Variants in DOCK11 observed in about 807,000 individuals in gnomAD.
DOCK11 encodes the protein dedicator of cytokinesis protein 11.
In DOCK11, 70 loss-of-function variants were observed where a neutral mutation model predicts 169.1. The observed-to-expected ratio is 0.41, with a 90% CI of 0.34 to 0.51. DOCK11 has a LOEUF of 0.51. Ranked by LOEUF, DOCK11 falls within the 20% of genes least tolerant of loss-of-function variation. The probability of loss-of-function intolerance (pLI) is 0.10; values close to 1 mark genes in which losing one functional copy is unlikely to be tolerated. For synonymous variants in DOCK11, 529 were observed against 541.3 expected, an observed-to-expected ratio of 0.98 and a Z score of 0.32; for missense variants, 1,166 against 1,538.8, an observed-to-expected ratio of 0.76 and a Z score of 4.05.
At chrX:118,672,097 A>T (rs183002357) in intron 46 of DOCK11, among the ~76,000 whole-genome samples, 2 of 112,590 alleles carry the variant, frequency 1.8e-5, no homozygotes, top group Non-Finnish European at 3.7e-5. Flanking sequence ...CCCAGGGAAG[A>T]GGCATAGACA....
intron 6 of DOCK11, among the ~76,000 whole-genome samples, chrX:118,547,173 A>G (rs1194416577): frequency 9.0e-6 from 1 of 111,556 alleles, no homozygotes; most frequent in Non-Finnish European, 1.9e-5. Context: ...TACCAAATAT[A>G]ACTGTTCTTT....
intron 36 of DOCK11, 118 bp from the exon 37 acceptor site, chrX:118,637,962 A>G (rs1445491667): frequency 3.7e-6 from 2 of 542,996 alleles, no homozygotes; most frequent in Non-Finnish European, 5.8e-6. Context: ...CAAAACACTT[A>G]TCATTATAAT....
intron 42 of DOCK11, among the ~76,000 whole-genome samples, chrX:118,653,973 T>C (rs991918373): frequency 3.6e-5 from 4 of 112,303 alleles, no homozygotes; most frequent in Non-Finnish European, 7.5e-5. Flanking sequence ...CTGTGATTCA[T>C]GACCTCCCAT....
intron 1 of DOCK11, among the ~76,000 whole-genome samples, chrX:118,502,030 A>G (rs1227123874): frequency 9.0e-6 from 1 of 110,941 alleles, no homozygotes; most frequent in African/African-American, 3.3e-5. Flanking sequence ...CTCGTTTGTG[A>G]TTCTTGCAAT....
At chrX:118,573,383 C>T (rs1202942624) in intron 11 of DOCK11, among the ~76,000 whole-genome samples, 1 of 111,940 alleles carries the variant, frequency 8.9e-6, no homozygotes, top group Admixed American at 9.5e-5. Flanking sequence ...CTGTTATTAG[C>T]GCTTATGAAA....
intron 44 of DOCK11, among the ~76,000 whole-genome samples, chrX:118,662,185 T>G (rs1295140340): frequency 9.0e-6 from 1 of 111,537 alleles, no homozygotes. Context: ...TCTAGGATGC[T>G]TCATCCCTGC....
At chrX:118,613,213 T>C (rs2014726622) in intron 28 of DOCK11, among the ~76,000 whole-genome samples, 1 of 112,167 alleles carries the variant, frequency 8.9e-6, no homozygotes, top group Non-Finnish European at 1.9e-5. Flanking sequence ...TGTAGTACAT[T>C]GTCTCAAACA....
At chrX:118,549,974 C>T (rs2012436979) in intron 6 of DOCK11, among the ~76,000 whole-genome samples, 1 of 111,866 alleles carries the variant, frequency 8.9e-6, no homozygotes, top group South Asian at 3.7e-4. Flanking sequence ...CCACTCTTTT[C>T]CATTATAAAT....
chrX:118,615,631 A>G lies in DOCK11; in HGVS notation c.3212A>G (p.Gln1071Arg), dbSNP rs774320148. The change falls in exon 30 of 53, where the codon CAA becomes CGA. Residue 1071 changes from glutamine to arginine, a missense_variant. Physicochemically the swap from Gln to Arg is conservative, Grantham distance 43 (BLOSUM62 1). Coordinates refer to ENST00000276202, the MANE Select transcript of DOCK11 (RefSeq NM_144658.4). Reference protein sequence around the residue: ...VLAEYKFEFLQTICNHEHYIP... With the variant: ...VLAEYKFEFLRTICNHEHYIP... The stretch of plus-strand genomic sequence containing the variant: ...GCTGAATACAAGTTTGAATTTCTGC[A>G]AACAATTTGCAATCACGAACATTAC... The G allele has an allele frequency of 7.4e-6, 9 of 1,208,776 alleles. No individual in the cohort carries two copies. Among genetic ancestry groups the G allele is most frequent in the African/African-American group, 1.7e-5 (1 of 57,419 alleles).
At chrX:118,655,357 G>T (rs753188721) in intron 44 of DOCK11, among the ~76,000 whole-genome samples, 1 of 111,111 alleles carries the variant, frequency 9.0e-6, no homozygotes, top group Non-Finnish European at 1.9e-5. Context: ...CAGGCCTGAT[G>T]CCCAGTGTTT....
intron 44 of DOCK11, among the ~76,000 whole-genome samples, chrX:118,656,724 G>A (rs1285531081): frequency 1.8e-5 from 2 of 111,760 alleles, no homozygotes; most frequent in African/African-American, 6.5e-5. Flanking sequence ...AGCACTTTGG[G>A]AGGCCAAGGT....
intron 1 of DOCK11, among the ~76,000 whole-genome samples, chrX:118,535,699 C>T (rs1294262893): frequency 9.0e-6 from 1 of 111,480 alleles, no homozygotes. Flanking sequence ...TTCCCTTAGC[C>T]GTTTACTTTA....
intron 23 of DOCK11, among the ~76,000 whole-genome samples, chrX:118,604,653 C>T (rs1193700089): frequency 9.7e-6 from 1 of 103,393 alleles, no homozygotes; most frequent in Non-Finnish European, 1.9e-5. Flanking sequence ...TATATGATCA[C>T]GTTTCTTCTT....
chrX:118,583,969 G>A (rs1211581265), intron 14 of DOCK11, among the ~76,000 whole-genome samples: 1 of 111,336 alleles, frequency 9.0e-6, no homozygotes, highest in Admixed American at 9.6e-5. Flanking sequence ...TTGAATCCAC[G>A]GATGCGGAGC....
At chrX:118,587,369 T>C (rs2013848277) in intron 16 of DOCK11, among the ~76,000 whole-genome samples, 1 of 112,042 alleles carries the variant, frequency 8.9e-6, no homozygotes, top group African/African-American at 3.2e-5. Context: ...TGTCCTTGTC[T>C]ACCTTCACTG....
chrX:118,580,419 C>T (rs1428439513), intron 14 of DOCK11, among the ~76,000 whole-genome samples: 1 of 111,855 alleles, frequency 8.9e-6, no homozygotes, highest in Non-Finnish European at 1.9e-5. Context: ...TGGGTTCAAG[C>T]GATTCTCCTG....
At chrX:118,598,394 T>TAAAA (rs35643381) in intron 22 of DOCK11, among the ~76,000 whole-genome samples, 1 of 96,173 alleles carries the variant, frequency 1.0e-5, no homozygotes. Context: ...CCCTGTCTCT[T>TAAAA]AAAAAAAAAA....
chrX:118,569,027 TTTG>T (rs773594833), intron 10 of DOCK11, among the ~76,000 whole-genome samples: 173 of 109,515 alleles, frequency 1.6e-3, no homozygotes, highest in African/African-American at 5.5e-3. Flanking sequence ...GAAGTCTGAT[TTTG>T]TTGTTGTCGT....
chrX:118,670,426 A>G (rs2016440692), intron 45 of DOCK11, among the ~76,000 whole-genome samples: 1 of 111,874 alleles, frequency 8.9e-6, no homozygotes, highest in South Asian at 3.7e-4. Flanking sequence ...GGTGATCTCT[A>G]TTTTGAGCTG....
Sources: allele counts gnomAD v4.1 joint callset (sites outside exome capture counted in the v4.1 genomes callset), GRCh38; gene constraint gnomAD v4.1.1; transcripts MANE v1.5; gene names NCBI Gene and HGNC (gene_info 2026-07-23, HGNC 2026-07-21).